Variants in MIS18A observed in about 807,000 individuals in gnomAD.
MIS18A encodes protein Mis18-alpha.
In MIS18A, 14 loss-of-function variants were observed where a neutral mutation model predicts 25.0. The observed-to-expected ratio is 0.56, with a 90% CI of 0.37 to 0.88. The LOEUF (loss-of-function observed/expected upper bound fraction) is 0.88. Among genes scored for constraint, MIS18A ranks in the 40% least tolerant of loss-of-function variants. The pLI is 0.00. For synonymous variants in MIS18A, 134 were observed against 118.6 expected, an observed-to-expected ratio of 1.13 and a Z score of -0.84; for missense variants, 292 against 290.8, an observed-to-expected ratio of 1.00 and a Z score of -0.03.
chr21:32,216,989 C>G, the MIS18A span, among the ~76,000 whole-genome samples: 1 of 152,108 alleles, frequency 6.6e-6, no homozygotes, highest in Non-Finnish European at 1.5e-5. Flanking sequence ...ACAGCAAGAA[C>G]AAACCCTGGA....
chr21:32,202,205 C>A, the MIS18A span, among the ~76,000 whole-genome samples: 18 of 152,122 alleles, frequency 1.2e-4, no homozygotes, highest in Non-Finnish European at 2.4e-4. Context: ...GGGAGGATCA[C>A]CTGAGCCTGG....
At chr21:32,226,145 G>A in the MIS18A span, among the ~76,000 whole-genome samples, 1 of 138,242 alleles carries the variant, frequency 7.2e-6, no homozygotes, top group African/African-American at 2.9e-5. Flanking sequence ...TGGGGGGAGT[G>A]GGGAGGGATA....
At chr21:32,247,766 C>A in the MIS18A span, among the ~76,000 whole-genome samples, 1 of 152,172 alleles carries the variant, frequency 6.6e-6, no homozygotes, top group Admixed American at 6.5e-5. Flanking sequence ...TCAGAAGAAA[C>A]CAACTCTGCC....
At chr21:32,184,365 C>A in the MIS18A span, among the ~76,000 whole-genome samples, 2 of 152,220 alleles carry the variant, frequency 1.3e-5, no homozygotes, top group Non-Finnish European at 2.9e-5. Context: ...AATAGCATGT[C>A]CAAATGCCAC....
At chr21:32,278,656 C>A (rs778385266) in intron 1 of MIS18A, 25 bp downstream of exon 1, 8 of 1,493,234 alleles carry the variant, frequency 5.4e-6, no homozygotes, top group South Asian at 2.6e-5. Context: ...CCCACGCCCC[C>A]CCTGCCCGGC....
chr21:32,278,913 T>A lies in MIS18A; in HGVS notation c.102A>T (p.Arg34Ser). 13 of 1,613,112 alleles carry A rather than the reference T, an allele frequency of 8.1e-6. No homozygotes were observed. Among genetic ancestry groups the A allele is most frequent in the Non-Finnish European group, 1.1e-5 (13 of 1,179,908 alleles). ...KCSDSSLLGK[R>S]LSEDSSRHQL... ...GGTGGCGGCTCGAGTCTTCGGAGAGTCTCTTGCCCAACAGCGAGGAGTCGC... is the reference window on the plus strand; with the variant it reads ...GGTGGCGGCTCGAGTCTTCGGAGAGACTCTTGCCCAACAGCGAGGAGTCGC... The change falls in exon 1 of 5, where the codon AGA (arginine) becomes AGT (serine). Residue 34 changes from arginine (R) to serine (S), a missense_variant. By Grantham distance (110) the Arg-to-Ser change is moderately radical (BLOSUM62 -1). Transcript: ENST00000290130.
At chr21:32,178,976 T>C in the MIS18A span, among the ~76,000 whole-genome samples, 1,018 of 152,240 alleles carry the variant, frequency 6.7e-3, 12 homozygotes, top group African/African-American at 0.023. Flanking sequence ...ACCCAACCAT[T>C]TGAGTTCCTA....
the MIS18A span, among the ~76,000 whole-genome samples, chr21:32,258,568 CG>C: frequency 6.6e-6 from 1 of 152,050 alleles, no homozygotes; most frequent in African/African-American, 2.4e-5. Context: ...ACAAAAAGTC[CG>C]ACTCACAGCC....
chr21:32,156,080 A>G, the MIS18A span, among the ~76,000 whole-genome samples: 5 of 152,140 alleles, frequency 3.3e-5, no homozygotes, highest in African/African-American at 1.2e-4. Context: ...ATTTAAAAGA[A>G]AAAGATTTCC....
chr21:32,243,782 C>T, the MIS18A span, among the ~76,000 whole-genome samples: 1 of 151,940 alleles, frequency 6.6e-6, no homozygotes, highest in South Asian at 2.1e-4. Flanking sequence ...CTTTGGGAGG[C>T]CAAGGCAGGC....
the MIS18A span, among the ~76,000 whole-genome samples, chr21:32,197,308 G>A: frequency 6.6e-6 from 1 of 151,974 alleles, no homozygotes; most frequent in Admixed American, 6.6e-5. Context: ...TATCCCCAGA[G>A]CTGTAGCTGT....
At chr21:32,172,317 T>A in the MIS18A span, among the ~76,000 whole-genome samples, 1 of 152,072 alleles carries the variant, frequency 6.6e-6, no homozygotes, top group Non-Finnish European at 1.5e-5. Flanking sequence ...ACAAAATCAG[T>A]GCTTCATAGA....
the MIS18A span, among the ~76,000 whole-genome samples, chr21:32,243,949 G>C: frequency 6.6e-6 from 1 of 151,696 alleles, no homozygotes; most frequent in Non-Finnish European, 1.5e-5. Context: ...GCGAGACCCC[G>C]ACTCAAAAAA....
At chr21:32,197,860 T>G in the MIS18A span, 1 of 152,202 alleles carries the variant, frequency 6.6e-6, no homozygotes, top group South Asian at 2.1e-4. Flanking sequence ...CTTCAGTTGT[T>G]TTTAGTGCCT....
At chr21:32,277,391 A>T (rs1015054854) in intron 1 of MIS18A, among the ~76,000 whole-genome samples, 2 of 152,242 alleles carry the variant, frequency 1.3e-5, no homozygotes, top group African/African-American at 2.4e-5. Context: ...CCTTAAAAAC[A>T]TGTAAACAAG....
intron 2 of MIS18A, among the ~76,000 whole-genome samples, chr21:32,272,393 C>T (rs1401638889): frequency 6.6e-6 from 1 of 152,214 alleles, no homozygotes; most frequent in Non-Finnish European, 1.5e-5. Flanking sequence ...CAGCACACAA[C>T]CCTAGTGAAG....
At chr21:32,226,686 T>C in the MIS18A span, among the ~76,000 whole-genome samples, 1 of 152,100 alleles carries the variant, frequency 6.6e-6, no homozygotes, top group Non-Finnish European at 1.5e-5. Flanking sequence ...TTCAATAATA[T>C]AGAGAAAAAC....
the MIS18A span, among the ~76,000 whole-genome samples, chr21:32,252,043 G>T: frequency 6.6e-6 from 1 of 152,098 alleles, no homozygotes; most frequent in Non-Finnish European, 1.5e-5. Context: ...AAAATTATCT[G>T]GGCATAGTGG....
the MIS18A span, among the ~76,000 whole-genome samples, chr21:32,181,527 C>T: frequency 2.8e-4 from 43 of 152,184 alleles, no homozygotes; most frequent in African/African-American, 9.9e-4. Context: ...CTTCTACCAC[C>T]CACACTGCTT....
Sources: allele counts gnomAD v4.1 joint callset (sites outside exome capture counted in the v4.1 genomes callset), GRCh38; gene constraint gnomAD v4.1.1; transcripts MANE v1.5; gene names NCBI Gene and HGNC (gene_info 2026-07-23, HGNC 2026-07-21).